Variants in KAT6B observed in about 807,000 individuals in gnomAD.
KAT6B encodes the protein lysine acetyltransferase 6B.
Under a neutral mutation model 187.5 loss-of-function variants are expected in KAT6B, and 10 were observed. That is an observed-to-expected ratio of 0.05 (90% CI 0.03 to 0.09). KAT6B has a LOEUF of 0.09. Among genes scored for constraint, KAT6B ranks in the 10% least tolerant of loss-of-function variants. The pLI, the probability that KAT6B is intolerant of heterozygous loss-of-function variation, is 1.00. For synonymous variants in KAT6B, 861 were observed against 926.8 expected (o/e 0.93, Z 1.29); for missense variants, 1,952 against 2,558.9 (o/e 0.76, Z 5.12).
chr10:75,026,640 T>A (rs78698656), intron 17 of KAT6B, among the ~76,000 whole-genome samples: 3 of 151,960 alleles, frequency 2.0e-5, no homozygotes, highest in Non-Finnish European at 2.9e-5. Context: ...TTTTTTTTTT[T>A]AAACAAATAA....
At chr10:74,978,810 C>A (rs969929342) in intron 9 of KAT6B, among the ~76,000 whole-genome samples, 2 of 152,182 alleles carry the variant, frequency 1.3e-5, no homozygotes, top group African/African-American at 4.8e-5. Context: ...AAACTGTAAG[C>A]TTCTGTAATA....
chr10:74,936,364 C>G (rs746287581), intron 3 of KAT6B, among the ~76,000 whole-genome samples: 69 of 150,496 alleles, frequency 4.6e-4, no homozygotes, highest in Non-Finnish European at 9.1e-4. Context: ...GACTGCGCCA[C>G]TGCACTCCAG....
intron 3 of KAT6B, among the ~76,000 whole-genome samples, chr10:74,958,481 T>A (rs1454397846): frequency 6.6e-6 from 1 of 152,204 alleles, no homozygotes; most frequent in Admixed American, 6.5e-5. Flanking sequence ...AACATTCAGA[T>A]GGCTAGCAGA....
In KAT6B at chr10:74,932,163, C is replaced by T. The variant is rs576974329; in HGVS notation, c.622-27807C>T. Among the ~76,000 whole-genome samples the T allele has an allele frequency of 2.1e-3, 323 of 152,244 alleles. 1 individual carries two copies. Among genetic ancestry groups the T allele is most frequent in the African/African-American group, 7.4e-3 (307 of 41,524 alleles). On this transcript the variant is annotated intron_variant, in intron 3 of 17. Coordinates refer to ENST00000287239, the MANE Select transcript of KAT6B (RefSeq NM_012330.4). The stretch of plus-strand genomic sequence containing the variant: ...TTGTCCAGTTGAAGTAAGTAGTGGG[C>T]GCTCAAAAAATGTTGATTGGCCAAA...
In KAT6B at chr10:74,908,796, G is replaced by A. The variant is rs185814864; in HGVS notation, c.622-51174G>A. ...AGTTAAATCATGATATAAGTTCTTCGTTCCTTTTTTTTCCTTTATAGTTTA... is the reference window on the plus strand; with the variant it reads ...AGTTAAATCATGATATAAGTTCTTCATTCCTTTTTTTTCCTTTATAGTTTA... On this transcript the variant is annotated intron_variant, in intron 3 of 17. Coordinates refer to ENST00000287239, the MANE Select transcript of KAT6B (RefSeq NM_012330.4). Among the ~76,000 whole-genome samples the A allele has an allele frequency of 5.3e-5, 8 of 151,984 alleles. 1 individual carries two copies. The highest frequency in any genetic ancestry group is 1.3e-4 in the Admixed American group (2 of 15,260).
intron 3 of KAT6B, among the ~76,000 whole-genome samples, chr10:74,888,615 A>G (rs1845450135): frequency 6.6e-6 from 1 of 152,202 alleles, no homozygotes; most frequent in African/African-American, 2.4e-5. Flanking sequence ...GTGTACTTTC[A>G]TATTCTGAGC....
At chr10:74,853,347 C>G (rs571031866) in intron 3 of KAT6B, among the ~76,000 whole-genome samples, 3 of 149,964 alleles carry the variant, frequency 2.0e-5, no homozygotes, top group East Asian at 2.0e-4. Context: ...GGAGTGCAGC[C>G]GTGTAATCAT....
At chr10:74,888,179 A>G (rs1339633953) in intron 3 of KAT6B, among the ~76,000 whole-genome samples, 1 of 152,206 alleles carries the variant, frequency 6.6e-6, no homozygotes, top group Non-Finnish European at 1.5e-5. Context: ...TTTGCAAAGA[A>G]TGGGTTTCTT....
At chr10:74,934,422 C>CA (rs1053467391) in intron 3 of KAT6B, among the ~76,000 whole-genome samples, 6 of 152,152 alleles carry the variant, frequency 3.9e-5, no homozygotes, top group African/African-American at 1.4e-4. Flanking sequence ...GCTTGTCTTT[C>CA]TCCTTTCCTT....
intron 3 of KAT6B, among the ~76,000 whole-genome samples, chr10:74,917,777 G>A (rs1161531722): frequency 6.6e-6 from 1 of 152,208 alleles, no homozygotes; most frequent in African/African-American, 2.4e-5. Context: ...ACTTTTCCTT[G>A]TGGAGAAATG....
chr10:74,986,580 A>G (rs549661196), intron 12 of KAT6B, among the ~76,000 whole-genome samples: 1 of 152,250 alleles, frequency 6.6e-6, no homozygotes, highest in Non-Finnish European at 1.5e-5. Flanking sequence ...CATTCATGGA[A>G]AACTGTCTCA....
At chr10:74,834,447 T>G (rs929182876) in intron 1 of KAT6B, among the ~76,000 whole-genome samples, 2 of 152,074 alleles carry the variant, frequency 1.3e-5, no homozygotes, top group African/African-American at 4.8e-5. Flanking sequence ...CTGCCCGCCT[T>G]GGCCTCCCAA....
chr10:74,976,875 A>G (rs929904991), intron 8 of KAT6B: 2 of 269,368 alleles, frequency 7.4e-6, no homozygotes, highest in Admixed American at 1.0e-4. Flanking sequence ...GAGAAAACGG[A>G]TTTCATAATT....
At chr10:74,852,711 A>G (rs1842552392) in intron 3 of KAT6B, among the ~76,000 whole-genome samples, 1 of 152,266 alleles carries the variant, frequency 6.6e-6, no homozygotes, top group South Asian at 2.1e-4. Flanking sequence ...CAGGTAAAGT[A>G]GAAACATTAT....
chr10:74,846,472 C>A (rs1842109599), intron 3 of KAT6B, among the ~76,000 whole-genome samples: 1 of 151,996 alleles, frequency 6.6e-6, no homozygotes, highest in Non-Finnish European at 1.5e-5. Flanking sequence ...TGGAGTCTTG[C>A]TCTGTCACCA....
chr10:75,031,213 A>G lies in KAT6B; in HGVS notation c.*167A>G. 1.3e-6 allele frequency: 1 copy of G among 769,050 alleles called. No individual in the cohort carries two copies. The highest frequency in any genetic ancestry group is 1.8e-5 in the African/African-American group (1 of 56,568). 47.6% of individuals were successfully genotyped at this position (769,050 alleles called of 1,614,324 possible). ...AAAGCTGTATGCAGCAGAAAGCCTT[A>G]TACAAGTTGTTTTTCTTTTTTTCCT... On this transcript the variant is annotated 3_prime_UTR_variant, in exon 18 of 18. Coordinates refer to ENST00000287239, the MANE Select transcript of KAT6B (RefSeq NM_012330.4).
At position 74,936,064 on chromosome 10, in the gene KAT6B, T is replaced by C. The variant is rs528081312; in HGVS notation, c.622-23906T>C. Among the ~76,000 whole-genome samples, 9 of 152,196 alleles carry C rather than the reference T, an allele frequency of 5.9e-5. No homozygotes were observed. In the South Asian group the frequency reaches 6.2e-4, roughly 11 times the overall value. The stretch of plus-strand genomic sequence containing the variant: ...AGCCATTATTTAGCATGAAGATGAT[T>C]TGTTGCTTTTGTTTTCCAAGTTTTG... On this transcript the variant is annotated intron_variant, in intron 3 of 17. Transcript: ENST00000287239.
chr10:74,994,478 C>T (rs1270089553), intron 13 of KAT6B, among the ~76,000 whole-genome samples: 3 of 152,086 alleles, frequency 2.0e-5, no homozygotes, highest in African/African-American at 7.2e-5. Context: ...TGGTGGAGAA[C>T]AGTAGTTAGG....
At chr10:74,875,861 T>G (rs1244886129) in intron 3 of KAT6B, among the ~76,000 whole-genome samples, 1 of 152,244 alleles carries the variant, frequency 6.6e-6, no homozygotes. Flanking sequence ...TTTTACTGTA[T>G]GTACTGCTGC....
Sources: gnomAD v4.1 joint callset for allele counts (sites outside exome capture counted in the v4.1 genomes callset) on GRCh38, gnomAD v4.1.1 for gene constraint, MANE v1.5 for transcripts, NCBI Gene and HGNC (gene_info 2026-07-23, HGNC 2026-07-21) for gene names.